Variants in NTRK1 observed in about 807,000 individuals in gnomAD.
NTRK1 encodes high affinity nerve growth factor receptor.
Under a neutral mutation model 86.8 loss-of-function variants are expected in NTRK1, and 62 were observed. The observed-to-expected ratio is 0.71, with a 90% CI of 0.58 to 0.88. The LOEUF (loss-of-function observed/expected upper bound fraction) is 0.88, where lower values mean the gene tolerates loss of function less well. NTRK1 is among the 40% of genes least tolerant of loss of function. NTRK1 has a pLI of 0.00. For missense variants in NTRK1, 967 were observed against 1,078.4 expected (o/e 0.90, Z 1.45); for synonymous variants, 469 against 456.6 (o/e 1.03, Z -0.35).
rs1204047181 is a variant in NTRK1, at chr1:156,868,346, G to A, written c.574+97G>A. 4 of 1,556,676 alleles carry A rather than the reference G, an allele frequency of 2.6e-6. No individual in the cohort carries two copies. The African/African-American group carries it at 5.4e-5, about 21-fold the overall frequency. Reference sequence around the variant, plus strand: ...TGAGCAAGCACTGAAAAGGCCTGGGGAATGGGCACTGGCAAAGGCTGGGGG... The same window carrying A: ...TGAGCAAGCACTGAAAAGGCCTGGGAAATGGGCACTGGCAAAGGCTGGGGG... On this transcript the variant is annotated intron_variant, in intron 5 of 16. Coordinates refer to ENST00000524377, the MANE Select transcript of NTRK1 (RefSeq NM_002529.4).
intron 1 of NTRK1, chr1:156,816,140 T>G (rs1377624612): frequency 1.3e-6 from 2 of 1,568,630 alleles, no homozygotes; most frequent in East Asian, 2.3e-5. Flanking sequence ...AGAGGAACTA[T>G]GTCTGTCTCT....
chr1:156,864,987 C>T, intron 3 of NTRK1, 188 bp downstream of exon 3: 1 of 655,288 alleles, frequency 1.5e-6, no homozygotes, highest in Non-Finnish European at 2.8e-6. Context: ...CCCCTGACAG[C>T]TAGAGGTCCT....
intron 8 of NTRK1, 31 bp from the exon 9 acceptor site, chr1:156,874,352 T>C: frequency 1.9e-6 from 3 of 1,613,380 alleles, no homozygotes; most frequent in Non-Finnish European, 2.5e-6. Context: ...CTCCTCCCTC[T>C]GACTGCTTTC....
chr1:156,874,314 G>A (rs1571696794), intron 8 of NTRK1, 69 bp from the exon 9 acceptor site: 1 of 1,610,914 alleles, frequency 6.2e-7, no homozygotes, highest in East Asian at 2.2e-5. Context: ...GGGACTCACT[G>A]CTTTCCTCCT....
chr1:156,878,896 A>G (rs1648077891), intron 14 of NTRK1, among the ~76,000 whole-genome samples: 2 of 152,068 alleles, frequency 1.3e-5, no homozygotes, highest in South Asian at 4.2e-4. Flanking sequence ...GAAGGCATGG[A>G]TGTGGGAACC....
upstream of NTRK1, among the ~76,000 whole-genome samples, chr1:156,857,804 G>C (rs78393411): frequency 9.7e-3 from 1,481 of 152,306 alleles, 26 homozygotes; most frequent in African/African-American, 0.034. Context: ...GGTGGGACTG[G>C]GGAAGGGGAT....
chr1:156,874,955 C>T lies in NTRK1; in HGVS notation c.1301C>T (p.Thr434Met), dbSNP rs771342578. ...GTCTTTGCCTGCCTCTTCCTTTCTA[C>T]GCTGCTCCTTGTGCTCAACAAATGT... The part of the protein sequence containing the change: ...LAVFACLFLS[T>M]LLLVLNKCGR... The change falls in exon 11 of 17, where the codon ACG becomes ATG. Residue 434 changes from threonine (T) to methionine (M), a missense_variant. Coordinates refer to ENST00000524377, the MANE Select transcript of NTRK1 (RefSeq NM_002529.4). The T allele has an allele frequency of 7.6e-5, 122 of 1,613,906 alleles. No individual in the cohort carries two copies. Among genetic ancestry groups the T allele is most frequent in the Non-Finnish European group, 9.2e-5 (109 of 1,179,996 alleles).
chr1:156,826,277 A>G (rs975414682), intron 1 of NTRK1, among the ~76,000 whole-genome samples: 2 of 145,174 alleles, frequency 1.4e-5, no homozygotes, highest in African/African-American at 5.1e-5. Flanking sequence ...TACGTTGTCC[A>G]GGCTAGACTT....
At chr1:156,843,408 C>T (rs1184162473) in intron 2 of NTRK1, 2 of 1,613,092 alleles carry the variant, frequency 1.2e-6, no homozygotes, top group Non-Finnish European at 1.7e-6. Context: ...ACCACCTGTC[C>T]ACCCACTCCC....
intron 16 of NTRK1, chr1:156,880,487 G>A (rs1648193100): frequency 1.4e-5 from 5 of 350,892 alleles, no homozygotes; most frequent in South Asian, 1.3e-4. Context: ...GGACCAGCAC[G>A]GGAAGAGGAA....
chr1:156,848,512 T>G (rs773141673), intron 2 of NTRK1, among the ~76,000 whole-genome samples: 5 of 152,206 alleles, frequency 3.3e-5, no homozygotes, highest in African/African-American at 4.8e-5. Flanking sequence ...CCCTGCTCCC[T>G]CCCTTCCTAA....
intron 2 of NTRK1, among the ~76,000 whole-genome samples, chr1:156,843,751 C>T (rs1480614898): frequency 6.6e-6 from 1 of 152,222 alleles, no homozygotes; most frequent in Non-Finnish European, 1.5e-5. Flanking sequence ...AGGTCCAGCC[C>T]CATTTTCCTC....
rs145823996 is a variant in NTRK1 at position 156,873,850 on chromosome 1, C to T, written c.1068C>T (p.Asn356=). The T allele has an allele frequency of 2.9e-4, 471 of 1,609,474 alleles. No homozygotes were observed. The highest frequency in any genetic ancestry group is 3.7e-4 in the Non-Finnish European group (439 of 1,177,832). The change falls in exon 8 of 17, where the codon AAC becomes AAT. Residue 356 remains asparagine (N), a synonymous_variant. Transcript: ENST00000524377. ...LRLNQPTHVN[N]GNYTLLAANP... The stretch of plus-strand genomic sequence containing the variant: ...TCAACCAGCCCACCCACGTCAACAA[C>T]GGCAACTACACGCTGCTGGCTGCCA...
Position 156,868,225 on chromosome 1 carries a change from GC to G in NTRK1, c.553del (p.His185ThrfsTer12). Reference sequence around the variant, plus strand: ...GCAGTGTCATGGGCAAGGGCCCCTGGCCCACATGCCCAATGCCAGCTGTGGT... The same window carrying G: ...GCAGTGTCATGGGCAAGGGCCCCTGGCCACATGCCCAATGCCAGCTGTGGT... ...KLQCHGQGPL[A>X]HMPNASCGVP... On this transcript the variant is annotated frameshift_variant, in exon 5 of 17. Transcript: ENST00000524377. LOFTEE classifies it high-confidence loss of function. The G allele has an allele frequency of 6.2e-7, 1 of 1,611,418 alleles. No individual in the cohort carries two copies.
In NTRK1 at chr1:156,854,690, G is replaced by A. The variant is rs1482192587; in HGVS notation, c.51-9664G>A. 6.6e-6 allele frequency among the ~76,000 whole-genome samples: 1 copy of A among 152,058 alleles called. No homozygotes were observed. Among genetic ancestry groups the A allele is most frequent in the Non-Finnish European group, 1.5e-5 (1 of 68,018 alleles). On this transcript the variant is annotated intron_variant, in intron 2 of 16. Transcript: ENST00000392302. The surrounding 1 kb of genome is among the most constrained non-coding windows in gnomAD (Gnocchi z 4.2). ...TCCTGTGGGTTTATCTTTAAAATATGTCCAGGATCTGAACTGCTTGTCAAC... is the reference window on the plus strand; with the variant it reads ...TCCTGTGGGTTTATCTTTAAAATATATCCAGGATCTGAACTGCTTGTCAAC...
chr1:156,840,320 G>C (rs867985778), intron 1 of NTRK1: 3 of 160,216 alleles, frequency 1.9e-5, no homozygotes, highest in Non-Finnish European at 4.1e-5. Context: ...AGGTGAGGGC[G>C]GGCAGGCTGG....
chr1:156,880,027 G>T lies in NTRK1; in HGVS notation c.2075G>T (p.Arg692Leu), dbSNP rs765477124. The change falls in exon 16 of 17, where the codon CGC (arginine) becomes CTC (leucine). Residue 692 changes from arginine (R) to leucine (L), a missense_variant. Arg to Leu is a moderately radical substitution (Grantham distance 102, BLOSUM62 -2). Around this residue, in one of 2 missense-constraint regions of NTRK1, gnomAD observed 637 missense variants for 776.5 expected, o/e 0.82. Coordinates refer to ENST00000524377, the MANE Select transcript of NTRK1 (RefSeq NM_002529.4). ...GGAGGCCGCACCATGCTGCCCATTC[G>T]CTGGATGCCGCCCGAGAGCATCCTG... ...RVGGRTMLPI[R>L]WMPPESILYR... The T allele has an allele frequency of 1.2e-6, 2 of 1,613,352 alleles. No individual in the cohort carries two copies. Among genetic ancestry groups the T allele is most frequent in the South Asian group, 1.1e-5 (1 of 91,070 alleles).
At chr1:156,821,247 G>A (rs1654180821) in intron 1 of NTRK1, among the ~76,000 whole-genome samples, 1 of 152,104 alleles carries the variant, frequency 6.6e-6, no homozygotes, top group Non-Finnish European at 1.5e-5. Flanking sequence ...TGAGTCTTTA[G>A]GGTTTTCTAG....
At chr1:156,820,207 T>C (rs1393931264) in intron 1 of NTRK1, among the ~76,000 whole-genome samples, 1 of 152,162 alleles carries the variant, frequency 6.6e-6, no homozygotes, top group African/African-American at 2.4e-5. Flanking sequence ...GCCAGTTTAC[T>C]CAGCACCATT....
Sources: allele counts gnomAD v4.1 joint callset (sites outside exome capture counted in the v4.1 genomes callset), GRCh38; gene constraint gnomAD v4.1.1; regional missense constraint gnomAD v4.1.1; non-coding constraint Gnocchi (gnomAD v3.1); transcripts MANE v1.5; gene names NCBI Gene and HGNC (gene_info 2026-07-23, HGNC 2026-07-21).